The following P3H2 variants were observed in gnomAD, a reference collection of about 807,000 sequenced individuals.
P3H2 encodes leprecan-like 1.
P3H2 carries 80 observed loss-of-function variants against 87.0 expected under a neutral mutation model. The observed-to-expected ratio is 0.92, with a 90% CI of 0.77 to 1.11. The LOEUF (loss-of-function observed/expected upper bound fraction) is 1.11, where lower values mean the gene tolerates loss of function less well. Among genes scored for constraint, P3H2 ranks in the 50% least tolerant of loss-of-function variants. The pLI is 0.00. For synonymous variants in P3H2, 367 were observed against 359.3 expected (o/e 1.02, Z -0.24); for missense variants, 1,001 against 923.9 (o/e 1.08, Z -1.08).
chr3:190,034,064 C>T (rs762331636), intron 1 of P3H2, among the ~76,000 whole-genome samples: 19 of 152,210 alleles, frequency 1.2e-4, no homozygotes, highest in South Asian at 6.2e-4. Flanking sequence ...AATATTCAGA[C>T]GGAACACGAT....
At chr3:190,015,398 A>G (rs1292265643) in intron 1 of P3H2, among the ~76,000 whole-genome samples, 2 of 152,182 alleles carry the variant, frequency 1.3e-5, no homozygotes, top group African/African-American at 4.8e-5. Context: ...AAAAAATGTA[A>G]AAGCATGCTT....
chr3:190,115,705 A>C (rs759482014), intron 1 of P3H2, among the ~76,000 whole-genome samples: 5 of 152,222 alleles, frequency 3.3e-5, no homozygotes, highest in Non-Finnish European at 7.3e-5. Context: ...TTCTCTTCCA[A>C]CTGACCAGCC....
At chr3:190,042,396 A>G (rs1010628981) in intron 1 of P3H2, among the ~76,000 whole-genome samples, 1 of 151,972 alleles carries the variant, frequency 6.6e-6, no homozygotes, top group African/African-American at 2.4e-5. Context: ...TGGTGTCAGG[A>G]TATCCTAAGA....
intron 14 of P3H2, among the ~76,000 whole-genome samples, chr3:189,962,161 C>CTTTTTTTTTTTTTTTTTTTTTTTTTTT (rs770628547): frequency 1.1e-5 from 1 of 87,648 alleles, no homozygotes; most frequent in African/African-American, 4.7e-5. Context: ...TCTTCTTCTT[C>CTTTTTTTTTTTTTTTTTTTTTTTTTTT]TTTTTTTTTT....
intron 1 of P3H2, among the ~76,000 whole-genome samples, chr3:190,089,988 G>A (rs1727356036): frequency 6.6e-6 from 1 of 152,118 alleles, no homozygotes; most frequent in African/African-American, 2.4e-5. Flanking sequence ...TGGTCAGTGA[G>A]GTAAAGAACT....
At chr3:190,079,998 GTTA>G (rs1200118961) in intron 1 of P3H2, among the ~76,000 whole-genome samples, 7 of 152,182 alleles carry the variant, frequency 4.6e-5, no homozygotes, top group Non-Finnish European at 7.4e-5. Flanking sequence ...ATGAATCATT[GTTA>G]TTATAATAGA....
chr3:189,962,623 G>T (rs918173955), intron 14 of P3H2, among the ~76,000 whole-genome samples: 1 of 152,120 alleles, frequency 6.6e-6, no homozygotes, highest in Non-Finnish European at 1.5e-5. Context: ...CATAGTCCAG[G>T]ACCTTGTTCT....
intron 1 of P3H2, among the ~76,000 whole-genome samples, chr3:190,116,395 C>T (rs1712287901): frequency 6.6e-6 from 1 of 152,156 alleles, no homozygotes. Flanking sequence ...CCCCATTTTG[C>T]AGATGGGAGA....
chr3:189,980,230 C>T (rs976401121), intron 8 of P3H2, among the ~76,000 whole-genome samples: 2 of 152,146 alleles, frequency 1.3e-5, no homozygotes, highest in African/African-American at 2.4e-5. Flanking sequence ...CTCTATTCTG[C>T]GACACATGCC....
intron 13 of P3H2, among the ~76,000 whole-genome samples, chr3:189,965,844 G>A (rs540387787): frequency 6.6e-6 from 1 of 151,786 alleles, no homozygotes; most frequent in African/African-American, 2.4e-5. Flanking sequence ...AAATTAGCCA[G>A]ATGTGTTGGT....
At chr3:189,998,726 T>C (rs1724123582) in intron 1 of P3H2, among the ~76,000 whole-genome samples, 2 of 152,228 alleles carry the variant, frequency 1.3e-5, no homozygotes, top group African/African-American at 2.4e-5. Context: ...TTCAAAGGTA[T>C]ATTACATGTG....
intron 1 of P3H2, among the ~76,000 whole-genome samples, chr3:190,022,899 T>A (rs1249145862): frequency 1.3e-5 from 2 of 152,118 alleles, no homozygotes; most frequent in Admixed American, 6.5e-5. Context: ...CGATCTCGGC[T>A]CACTGCAAGT....
intron 1 of P3H2, among the ~76,000 whole-genome samples, chr3:190,046,642 A>G (rs57992998): frequency 6.6e-6 from 1 of 151,520 alleles, no homozygotes; most frequent in Non-Finnish European, 1.5e-5. Context: ...TCAGATATAG[A>G]TTTAAGAAAC....
At chr3:190,039,360 T>C (rs1227659281) in intron 1 of P3H2, among the ~76,000 whole-genome samples, 3 of 152,188 alleles carry the variant, frequency 2.0e-5, no homozygotes. Context: ...TTAATAAGTC[T>C]GTACCTTGGT....
intron 13 of P3H2, chr3:189,969,732 C>T (rs1560340685): frequency 1.3e-6 from 2 of 1,529,454 alleles, no homozygotes. Flanking sequence ...AAAATTAAGA[C>T]ATCAAATGGC....
chr3:190,010,367 C>T (rs1252268836), intron 1 of P3H2, among the ~76,000 whole-genome samples: 1 of 152,084 alleles, frequency 6.6e-6, no homozygotes, highest in African/African-American at 2.4e-5. Context: ...TTCTTATGTA[C>T]TAACAACTAG....
chr3:190,040,242 C>A, intron 1 of P3H2, among the ~76,000 whole-genome samples: 1 of 152,136 alleles, frequency 6.6e-6, no homozygotes, highest in Non-Finnish European at 1.5e-5. Context: ...ATTTGAAAAA[C>A]CTGGGATGAA....
Position 189,969,282 on chromosome 3 carries a change from G to A in P3H2, c.1893+1534C>T. On this transcript the variant is annotated intron_variant, in intron 13 of 14. Transcript: ENST00000319332. Reference sequence around the variant, plus strand: ...GAACCACCTCTGGAACTGTGGTCATGTTGATAACATCCACCCCCCAGGTGC... The same window carrying A: ...GAACCACCTCTGGAACTGTGGTCATATTGATAACATCCACCCCCCAGGTGC... 4.5e-6 allele frequency: 4 copies of A among 889,044 alleles called. No homozygotes were observed. The East Asian group carries it at 7.3e-5, about 16-fold the overall frequency. 55.1% of individuals were successfully genotyped at this position (889,044 alleles called of 1,614,324 possible). A position where few individuals can be genotyped will look rare whatever the true frequency, so the allele number is the denominator to read the frequency against.
At chr3:190,092,467 C>G (rs1392712106) in intron 1 of P3H2, among the ~76,000 whole-genome samples, 1 of 152,144 alleles carries the variant, frequency 6.6e-6, no homozygotes, top group Non-Finnish European at 1.5e-5. Context: ...AGGCAAGGAA[C>G]GAAGTCTAGA....
Sources: allele counts gnomAD v4.1 joint callset (sites outside exome capture counted in the v4.1 genomes callset), GRCh38; gene constraint gnomAD v4.1.1; transcripts MANE v1.5; gene names NCBI Gene and HGNC (gene_info 2026-07-23, HGNC 2026-07-21).